Variants in SEMA3A observed in about 807,000 individuals in gnomAD.
SEMA3A encodes the protein semaphorin 3A, also known as semaphorin-3A.
Under a neutral mutation model 97.9 loss-of-function variants are expected in SEMA3A, and 29 were observed. That is an observed-to-expected ratio of 0.30 (90% CI 0.22 to 0.40). SEMA3A has a LOEUF of 0.40. Ranked by LOEUF, SEMA3A falls within the 10% of genes least tolerant of loss-of-function variation. The pLI, the probability that SEMA3A is intolerant of heterozygous loss-of-function variation, is 1.00. For missense variants in SEMA3A, 763 were observed against 951.3 expected, an observed-to-expected ratio of 0.80 and a Z score of 2.60; for synonymous variants, 321 against 323.7, an observed-to-expected ratio of 0.99 and a Z score of 0.09.
At chr7:84,274,897 A>G (rs781126469) in intron 3 of SEMA3A, among the ~76,000 whole-genome samples, 1 of 152,068 alleles carries the variant, frequency 6.6e-6, no homozygotes, top group African/African-American at 2.4e-5. Flanking sequence ...ACTAATTATA[A>G]TGGCTTTATA....
At position 83,990,132 on chromosome 7, in the gene SEMA3A, G is replaced by C. The variant is rs887731161; in HGVS notation, c.1453-4655C>G. ...AAATATCTTCTTTTGAGAAGTGTCT[G>C]TTCATGTCCTTCGCCCACTTTTTGA... On this transcript the variant is annotated intron_variant, in intron 12 of 16. Coordinates refer to ENST00000265362, the MANE Select transcript of SEMA3A (RefSeq NM_006080.3). 2.0e-5 allele frequency among the ~76,000 whole-genome samples: 3 copies of C among 151,770 alleles called. No individual in the cohort carries two copies. The South Asian group carries it at 6.2e-4, about 32-fold the overall frequency.
intron 4 of SEMA3A, among the ~76,000 whole-genome samples, chr7:84,073,076 ATT>A (rs978455622): frequency 5.3e-5 from 8 of 152,190 alleles, no homozygotes; most frequent in Non-Finnish European, 5.9e-5. Context: ...AAACAATTTT[ATT>A]TTAGTGTACT....
At chr7:83,986,309 G>A (rs1789633445) in intron 12 of SEMA3A, among the ~76,000 whole-genome samples, 1 of 152,144 alleles carries the variant, frequency 6.6e-6, no homozygotes, top group Non-Finnish European at 1.5e-5. Context: ...CCTACACTCA[G>A]GTCTTTGCCA....
At chr7:83,989,370 GGTTA>G (rs1789787125) in intron 12 of SEMA3A, among the ~76,000 whole-genome samples, 2 of 151,410 alleles carry the variant, frequency 1.3e-5, no homozygotes, top group Admixed American at 6.6e-5. Context: ...ACCTTGTGCA[GGTTA>G]GTTACATATG....
At chr7:84,020,494 C>T (rs1791289194) in intron 6 of SEMA3A, among the ~76,000 whole-genome samples, 1 of 151,624 alleles carries the variant, frequency 6.6e-6, no homozygotes, top group African/African-American at 2.4e-5. Flanking sequence ...CTAGATAACT[C>T]ACTACAACTT....
At chr7:83,980,482 G>A (rs1789346178) in intron 14 of SEMA3A, among the ~76,000 whole-genome samples, 1 of 150,552 alleles carries the variant, frequency 6.6e-6, no homozygotes, top group African/African-American at 2.4e-5. Context: ...GTGCACGCCT[G>A]TAGTCCCAGC....
chr7:84,255,392 C>A (rs1799695899), intron 3 of SEMA3A, among the ~76,000 whole-genome samples: 1 of 151,944 alleles, frequency 6.6e-6, no homozygotes, highest in Admixed American at 6.6e-5. Flanking sequence ...CTATCTCCCC[C>A]AAAGGCAACA....
At chr7:84,431,710 T>C (rs1804986187) in intron 1 of SEMA3A, among the ~76,000 whole-genome samples, 2 of 152,130 alleles carry the variant, frequency 1.3e-5, no homozygotes, top group South Asian at 2.1e-4. Context: ...TAAAGCCAGC[T>C]TCAATAATTA....
intron 1 of SEMA3A, among the ~76,000 whole-genome samples, chr7:84,158,211 G>A (rs28616111): frequency 0.1 from 14,149 of 135,598 alleles, 971 homozygotes; most frequent in East Asian, 0.21. Context: ...CTGGAGTGCA[G>A]TGGCGTGATC....
At chr7:83,985,594 A>C in intron 12 of SEMA3A, 117 bp from the exon 13 acceptor site, 1 of 780,472 alleles carries the variant, frequency 1.3e-6, no homozygotes, top group Admixed American at 2.2e-5. Flanking sequence ...GTCCACAAGA[A>C]GCAATGTGAC....
At chr7:84,215,469 C>G (rs1307503584) in intron 3 of SEMA3A, among the ~76,000 whole-genome samples, 1 of 152,184 alleles carries the variant, frequency 6.6e-6, no homozygotes. Context: ...GGATTATAGG[C>G]GTGAGCCTCT....
At chr7:84,288,945 C>G (rs946191003) in intron 3 of SEMA3A, among the ~76,000 whole-genome samples, 2 of 151,862 alleles carry the variant, frequency 1.3e-5, no homozygotes, top group African/African-American at 2.4e-5. Flanking sequence ...TTGCAATAGC[C>G]AAGAAATGGA....
intron 4 of SEMA3A, among the ~76,000 whole-genome samples, chr7:84,066,148 A>C (rs956327470): frequency 1.3e-5 from 2 of 151,800 alleles, no homozygotes; most frequent in Non-Finnish European, 2.9e-5. Flanking sequence ...TCCAGCATAT[A>C]AACAGAGCCA....
intron 1 of SEMA3A, 51 bp downstream of exon 1, chr7:84,194,421 AGGG>A: frequency 8.8e-7 from 1 of 1,138,352 alleles, no homozygotes; most frequent in Non-Finnish European, 1.3e-6. Flanking sequence ...CAAGGAATTA[AGGG>A]GGGGGGCGGT....
At chr7:84,387,759 G>C (rs1803436739) in intron 1 of SEMA3A, among the ~76,000 whole-genome samples, 1 of 152,122 alleles carries the variant, frequency 6.6e-6, no homozygotes, top group Admixed American at 6.6e-5. Flanking sequence ...GAAACTGTTA[G>C]AATGTAGACA....
chr7:84,191,142 A>T (rs1798026518), intron 1 of SEMA3A, among the ~76,000 whole-genome samples: 1 of 151,490 alleles, frequency 6.6e-6, no homozygotes, highest in South Asian at 2.1e-4. Flanking sequence ...TTAACTAAAT[A>T]AAATGATCTT....
intron 1 of SEMA3A, among the ~76,000 whole-genome samples, chr7:84,489,962 T>C (rs1191795226): frequency 1.3e-5 from 2 of 152,026 alleles, no homozygotes; most frequent in African/African-American, 4.8e-5. Flanking sequence ...ACAGTATATA[T>C]ACTTATATTG....
chr7:84,115,762 C>T (rs1052559697), intron 3 of SEMA3A, among the ~76,000 whole-genome samples: 2 of 151,950 alleles, frequency 1.3e-5, no homozygotes, highest in African/African-American at 4.8e-5. Flanking sequence ...TGTTTCCTAC[C>T]GAACCAGGAA....
chr7:84,367,434 C>A lies in SEMA3A; in HGVS notation c.-169+4390G>T, dbSNP rs188394584. On this transcript the variant is annotated intron_variant, in intron 2 of 3. Coordinates refer to the SEMA3A transcript ENST00000424555. ...TATATTTAAAGAGCTAATGTATGTG[C>A]ATAATTAAAATACCGCTTCTTAAGA... Among the ~76,000 whole-genome samples, 33 of 151,140 alleles carry A rather than the reference C, an allele frequency of 2.2e-4. No individual in the cohort carries two copies. The East Asian group carries it at 5.4e-3, about 25-fold the overall frequency.
Sources: allele counts gnomAD v4.1 joint callset (sites outside exome capture counted in the v4.1 genomes callset), GRCh38; gene constraint gnomAD v4.1.1; transcripts MANE v1.5; gene names NCBI Gene and HGNC (gene_info 2026-07-23, HGNC 2026-07-21).